ZBTB20: variants seen among roughly 807,000 people sequenced by gnomAD.
ZBTB20 encodes zinc finger and BTB domain-containing protein 20.
ZBTB20 carries 9 observed loss-of-function variants against 56.9 expected under a neutral mutation model. The observed-to-expected ratio is 0.16, with a 90% CI of 0.10 to 0.28. The LOEUF is 0.28. ZBTB20 is among the 10% of genes least tolerant of loss of function. The probability of loss-of-function intolerance (pLI) is 1.00; values close to 1 mark genes in which losing one functional copy is unlikely to be tolerated. For missense variants in ZBTB20, 655 were observed against 1,003.0 expected, an observed-to-expected ratio of 0.65 and a Z score of 4.69; for synonymous variants, 417 against 420.7, an observed-to-expected ratio of 0.99 and a Z score of 0.11.
At chr3:114,829,463 G>C (rs372761864) in intron 4 of ZBTB20, among the ~76,000 whole-genome samples, 16 of 151,858 alleles carry the variant, frequency 1.1e-4, no homozygotes, top group African/African-American at 3.1e-4. Context: ...CTGTATCACA[G>C]CTAAATAAAA....
chr3:114,993,291 A>G (rs1436927336), intron 2 of ZBTB20, among the ~76,000 whole-genome samples: 1 of 152,014 alleles, frequency 6.6e-6, no homozygotes, highest in Non-Finnish European at 1.5e-5. Flanking sequence ...AAATATTTAT[A>G]GAAAGACTCT....
chr3:114,979,017 G>A (rs1305443133), intron 2 of ZBTB20, among the ~76,000 whole-genome samples: 3 of 151,914 alleles, frequency 2.0e-5, no homozygotes, highest in Admixed American at 6.6e-5. Flanking sequence ...AAGGAAAGGA[G>A]AAAGGGCAGG....
chr3:114,475,590 T>G (rs1479452482), intron 7 of ZBTB20, among the ~76,000 whole-genome samples: 1 of 152,134 alleles, frequency 6.6e-6, no homozygotes, highest in East Asian at 1.9e-4. Flanking sequence ...GGAATGAGGA[T>G]CTTAGAGACT....
intron 1 of ZBTB20, among the ~76,000 whole-genome samples, chr3:115,145,795 C>A (rs1400920024): frequency 6.6e-6 from 1 of 152,126 alleles, no homozygotes; most frequent in Non-Finnish European, 1.5e-5. Context: ...TTAAAGATGA[C>A]TGGTTATCAC....
At chr3:114,801,513 A>C (rs560697967) in intron 4 of ZBTB20, among the ~76,000 whole-genome samples, 104 of 151,736 alleles carry the variant, frequency 6.9e-4, no homozygotes, top group Middle Eastern at 3.4e-3. Flanking sequence ...TTAAAAAAAA[A>C]CTCCTAAACA....
At chr3:114,439,665 T>C (rs1288107185) in intron 7 of ZBTB20, among the ~76,000 whole-genome samples, 3 of 152,174 alleles carry the variant, frequency 2.0e-5, no homozygotes, top group Admixed American at 6.6e-5. Context: ...TTAGGGACTT[T>C]ATATATACTT....
intron 7 of ZBTB20, among the ~76,000 whole-genome samples, chr3:114,447,438 T>G (rs2091337000): frequency 6.6e-6 from 1 of 152,222 alleles, no homozygotes; most frequent in African/African-American, 2.4e-5. Context: ...AATAAGTGTA[T>G]TCCACAATAA....
At chr3:114,433,285 G>C (rs1350477740) in intron 7 of ZBTB20, among the ~76,000 whole-genome samples, 1 of 152,168 alleles carries the variant, frequency 6.6e-6, no homozygotes, top group East Asian at 1.9e-4. Context: ...GACAAGGTCT[G>C]AAGATAAAGA....
At chr3:114,613,675 T>G (rs2057719263) in intron 6 of ZBTB20, among the ~76,000 whole-genome samples, 1 of 152,134 alleles carries the variant, frequency 6.6e-6, no homozygotes, top group African/African-American at 2.4e-5. Context: ...ATATGTTCTC[T>G]GCTTGGGATA....
chr3:114,384,136 CTCTCTCTCTCTCATTT>C (rs2084780687), intron 8 of ZBTB20, among the ~76,000 whole-genome samples: 1 of 151,308 alleles, frequency 6.6e-6, no homozygotes, highest in South Asian at 2.1e-4. Flanking sequence ...CTCATTCTCT[CTCTCTCTCTCTCATTT>C]TCTCTCTCTC....
At chr3:115,101,213 G>A (rs1576779301) in intron 1 of ZBTB20, among the ~76,000 whole-genome samples, 2 of 152,266 alleles carry the variant, frequency 1.3e-5, no homozygotes, top group East Asian at 3.9e-4. Context: ...ATATTTCATA[G>A]AATATGGGAC....
chr3:114,622,883 T>C (rs1376556382), intron 6 of ZBTB20, among the ~76,000 whole-genome samples: 2 of 152,160 alleles, frequency 1.3e-5, no homozygotes, highest in East Asian at 3.8e-4. Flanking sequence ...TTTAAGAACA[T>C]CAAGTAAGTG....
Position 114,729,877 on chromosome 3 carries a change from C to T in ZBTB20, c.-342-36302G>A, listed in dbSNP as rs917096791. On this transcript the variant is annotated intron_variant, in intron 5 of 11. Transcript: ENST00000675478. Reference sequence around the variant, plus strand: ...GGAGTGCGGTGGCATGACCATAGCTCACTACAGCCTCAAACTCCTGGGCTC... The same window carrying T: ...GGAGTGCGGTGGCATGACCATAGCTTACTACAGCCTCAAACTCCTGGGCTC... Among the ~76,000 whole-genome samples the T allele has an allele frequency of 4.0e-5, 6 of 151,624 alleles. No homozygotes were observed. In the East Asian group the frequency reaches 1.2e-3, roughly 29 times the overall value.
At chr3:114,401,293 ATTC>A (rs1432986369) in intron 7 of ZBTB20, among the ~76,000 whole-genome samples, 1 of 152,152 alleles carries the variant, frequency 6.6e-6, no homozygotes, top group Non-Finnish European at 1.5e-5. Flanking sequence ...GAAAACAAGA[ATTC>A]TTCTTTAAAG....
chr3:114,494,294 A>G (rs1390689349), intron 7 of ZBTB20, among the ~76,000 whole-genome samples: 1 of 151,948 alleles, frequency 6.6e-6, no homozygotes, highest in Non-Finnish European at 1.5e-5. Flanking sequence ...AACTTTTGAG[A>G]CTCTGAAAAG....
chr3:114,420,163 T>A (rs2089003487), intron 7 of ZBTB20, among the ~76,000 whole-genome samples: 1 of 152,090 alleles, frequency 6.6e-6, no homozygotes, highest in Non-Finnish European at 1.5e-5. Flanking sequence ...GAAGCATTGT[T>A]TTCATCTCAA....
At chr3:114,937,422 C>T (rs528281084) in intron 3 of ZBTB20, among the ~76,000 whole-genome samples, 57 of 151,294 alleles carry the variant, frequency 3.8e-4, no homozygotes, top group Admixed American at 1.1e-3. Context: ...TCTTCTTCTT[C>T]TTCTTCTTTT....
intron 11 of ZBTB20, among the ~76,000 whole-genome samples, chr3:114,347,366 C>CA (rs1008014078): frequency 4.0e-5 from 6 of 150,888 alleles, no homozygotes; most frequent in South Asian, 4.2e-4. Context: ...TCAAGCTATT[C>CA]TTTTTTTTTA....
chr3:115,128,289 C>T (rs1306406409), intron 1 of ZBTB20, among the ~76,000 whole-genome samples: 1 of 152,068 alleles, frequency 6.6e-6, no homozygotes, highest in African/African-American at 2.4e-5. Context: ...GGATTCATTA[C>T]GTGAAAGATA....
Sources: allele counts gnomAD v4.1 joint callset (sites outside exome capture counted in the v4.1 genomes callset), GRCh38; gene constraint gnomAD v4.1.1; transcripts MANE v1.5; gene names NCBI Gene and HGNC (gene_info 2026-07-23, HGNC 2026-07-21).